MSANTD1: variants seen among roughly 807,000 people sequenced by gnomAD.
MSANTD1 encodes the protein Myb/SANT DNA binding domain containing 1.
Under a neutral mutation model 24.2 loss-of-function variants are expected in MSANTD1, and 7 were observed. The ratio of observed to expected loss-of-function variants is 0.29; its 90% CI spans 0.16 to 0.54. The LOEUF (loss-of-function observed/expected upper bound fraction) is 0.54. Ranked by LOEUF, MSANTD1 falls within the 20% of genes least tolerant of loss-of-function variation. The pLI is 0.94. For synonymous variants in MSANTD1, 177 were observed against 181.1 expected (o/e 0.98, Z 0.18); for missense variants, 384 against 408.2 (o/e 0.94, Z 0.51).
At position 3,256,217 on chromosome 4, in the gene MSANTD1, C is replaced by T. The variant is rs180680517; in HGVS notation, c.*252C>T. ...AGGCCAGGGCCTCTGGGGTTCACTC[C>T]GAGTAAGAACGTCCTAGAGCCACTC... On this transcript the variant is annotated 3_prime_UTR_variant, in exon 3 of 3. Transcript: ENST00000438480. 89 of 406,524 alleles carry T rather than the reference C, an allele frequency of 2.2e-4. No individual in the cohort carries two copies. The highest frequency in any genetic ancestry group is 6.5e-4 in the Middle Eastern group (1 of 1,534). 25.2% of individuals were successfully genotyped at this position (406,524 alleles called of 1,614,324 possible).
intron 1 of MSANTD1, 47 bp downstream of exon 1, chr4:3,249,589 G>C (rs1560616110): frequency 7.2e-6 from 11 of 1,527,054 alleles, no homozygotes; most frequent in Admixed American, 1.9e-5. Flanking sequence ...GCGGGCCCGG[G>C]CGTGGCGGGC....
At chr4:3,251,155 C>T (rs1040887309) in intron 1 of MSANTD1, among the ~76,000 whole-genome samples, 7 of 152,200 alleles carry the variant, frequency 4.6e-5, no homozygotes, top group African/African-American at 1.4e-4. Flanking sequence ...GCCCGCGGCC[C>T]CACTGTTCCC....
upstream of MSANTD1, chr4:3,244,466 C>G (rs1721958039): frequency 3.3e-5 from 5 of 152,430 alleles, no homozygotes; most frequent in South Asian, 8.3e-4. Context: ...AGGTAACCCC[C>G]AAAGCAGCTG....
chr4:3,249,037 C>A (rs181488340), upstream of MSANTD1: 44 of 509,390 alleles, frequency 8.6e-5, no homozygotes, highest in African/African-American at 8.3e-4. Context: ...AGCCCTGATT[C>A]CTGTGCTTTC....
intron 1 of MSANTD1, among the ~76,000 whole-genome samples, chr4:3,252,643 CAA>C (rs1356871350): frequency 1.3e-5 from 2 of 152,190 alleles, no homozygotes; most frequent in Non-Finnish European, 2.9e-5. Flanking sequence ...TGAACCTGCC[CAA>C]AGTCACACAG....
At chr4:3,246,661 C>A, upstream of MSANTD1, 1 of 698,098 alleles carries the variant, frequency 1.4e-6, no homozygotes, top group South Asian at 1.5e-5. Flanking sequence ...GGCCATGCAG[C>A]TTTGCCAAGG....
At chr4:3,247,749 C>G (rs922594974), upstream of MSANTD1, 1 of 152,250 alleles carries the variant, frequency 6.6e-6, no homozygotes, top group African/African-American at 2.4e-5. Flanking sequence ...GGGCCCTCCC[C>G]ATACACTTCC....
chr4:3,249,422 A>G lies in MSANTD1; in HGVS notation c.200A>G (p.Gln67Arg). 1 of 1,607,910 alleles carries G rather than the reference A, an allele frequency of 6.2e-7. No homozygotes were observed. Among genetic ancestry groups the G allele is most frequent in the African/African-American group, 1.3e-5 (1 of 75,016 alleles). The change falls in exon 1 of 3, where the codon CAG becomes CGG. Residue 67 changes from glutamine to arginine, a missense_variant. Transcript: ENST00000438480. The part of the protein sequence containing the change: ...VWEEFFDELK[Q>R]TKRNAKVYEK... ...GAGGAGTTCTTCGACGAGCTCAAGC[A>G]GACCAAGCGCAACGCCAAGGTGTAC... is the stretch of plus-strand genomic sequence containing the variant.
At chr4:3,246,801 C>T, upstream of MSANTD1, 1 of 578,214 alleles carries the variant, frequency 1.7e-6, no homozygotes, top group Admixed American at 2.9e-5. Flanking sequence ...GAGGGCTCTG[C>T]CTCGGGAAAG....
chr4:3,246,702 T>C, upstream of MSANTD1: 1 of 691,702 alleles, frequency 1.4e-6, no homozygotes, highest in Non-Finnish European at 2.6e-6. Flanking sequence ...GGGACAGATG[T>C]GGGGACCCTC....
chr4:3,255,867 G>T lies in MSANTD1; in HGVS notation c.739G>T (p.Val247Leu), dbSNP rs1415115661. The T allele has an allele frequency of 2.6e-6, 4 of 1,545,202 alleles. No homozygotes were observed. Residue 247 changes from valine (V) to leucine (L), a missense_variant, in exon 3 of 3, where the codon GTG becomes TTG. Coordinates refer to ENST00000438480, the MANE Select transcript of MSANTD1 (RefSeq NM_001042690.2). ...GGAGACCTGCCGCGAGGTGCGCCGC[G>T]TGCTGGACCAGCAGCACATCCTGCA... is the stretch of plus-strand genomic sequence containing the variant. ...VEETCREVRR[V>L]LDQQHILQVQ...
At chr4:3,255,452 G>T (rs1391882188) in intron 2 of MSANTD1, among the ~76,000 whole-genome samples, 2 of 152,176 alleles carry the variant, frequency 1.3e-5, no homozygotes, top group Admixed American at 6.5e-5. Flanking sequence ...TTGAACTCCT[G>T]ACCTCAGGTG....
rs1722234075 is a variant in MSANTD1, at chr4:3,251,687, CTT to C, written c.321-1516_321-1515del. ...TAGCAGAGGCTTTTCTTTTTTTTTT[CTT>C]TTTCTTTTTTTTTTTTTTACAAGAA... On this transcript the variant is annotated intron_variant, in intron 1 of 2. Coordinates refer to ENST00000438480, the MANE Select transcript of MSANTD1 (RefSeq NM_001042690.2). Among the ~76,000 whole-genome samples the C allele has an allele frequency of 7.6e-5, 11 of 143,978 alleles. 1 individual carries two copies. The South Asian group carries it at 2.4e-3, about 31-fold the overall frequency. The allele number at this position is 143,978 out of a possible 152,430, so 94.5% of individuals were successfully genotyped here.
chr4:3,253,573 G>C, intron 2 of MSANTD1, 91 bp downstream of exon 2: 1 of 1,349,552 alleles, frequency 7.4e-7, no homozygotes, highest in Non-Finnish European at 9.7e-7. Flanking sequence ...GCCGGCGGCG[G>C]CGGCCACAGT....
Position 3,253,216 on chromosome 4 carries a change from A to G in MSANTD1, c.330A>G (p.Lys110=), listed in dbSNP as rs200708744. 1 of 1,556,078 alleles carries G rather than the reference A, an allele frequency of 6.4e-7. No homozygotes were observed. Among genetic ancestry groups the G allele is most frequent in the African/African-American group, 1.4e-5 (1 of 73,774 alleles). The part of the protein sequence containing the change: ...TNMTFQYRKL[K]CMTDSESAPP... ...GTGTCTCTCGTTTCAGGAAATTAAA[A>G]TGCATGACAGATAGCGAGTCCGCCC... is the stretch of plus-strand genomic sequence containing the variant. Residue 110 remains lysine, a synonymous_variant, in exon 2 of 3, where the codon AAA becomes AAG. Transcript: ENST00000438480.
chr4:3,249,604 CCTGA>C, intron 1 of MSANTD1, 62 bp downstream of exon 1: 1 of 1,476,538 alleles, frequency 6.8e-7, no homozygotes, highest in Non-Finnish European at 9.2e-7. Context: ...GCGGGCCGCT[CCTGA>C]CTTTCTTGGA....
chr4:3,249,811 G>A (rs1722164574), intron 1 of MSANTD1, among the ~76,000 whole-genome samples: 1 of 152,226 alleles, frequency 6.6e-6, no homozygotes, highest in Admixed American at 6.5e-5. Flanking sequence ...CAGGGGTGGG[G>A]CTGGTGCTGG....
intron 1 of MSANTD1, among the ~76,000 whole-genome samples, chr4:3,251,083 G>C (rs1722212255): frequency 6.6e-6 from 1 of 152,236 alleles, no homozygotes; most frequent in African/African-American, 2.4e-5. Context: ...CGGCTGGCTT[G>C]CGACGTGAGG....
chr4:3,250,530 G>T (rs756967975), intron 1 of MSANTD1, among the ~76,000 whole-genome samples: 1 of 152,172 alleles, frequency 6.6e-6, no homozygotes, highest in Non-Finnish European at 1.5e-5. Context: ...ATAGGTGTGC[G>T]GTGAAGGTCA....
Sources: gnomAD v4.1 joint callset for allele counts (sites outside exome capture counted in the v4.1 genomes callset) on GRCh38, gnomAD v4.1.1 for gene constraint, MANE v1.5 for transcripts, NCBI Gene and HGNC (gene_info 2026-07-23, HGNC 2026-07-21) for gene names.